DDX60: variants seen among roughly 807,000 people sequenced by gnomAD.
The protein encoded by DDX60 is DExD/H-box helicase 60.
DDX60 carries 165 observed loss-of-function variants against 212.8 expected under a neutral mutation model. That is an observed-to-expected ratio of 0.78 (90% CI 0.68 to 0.88). DDX60 has a LOEUF of 0.88. DDX60 is among the 40% of genes least tolerant of loss of function. The probability of loss-of-function intolerance (pLI) is 0.00; values close to 1 mark genes in which losing one functional copy is unlikely to be tolerated. For missense variants in DDX60, 1,905 were observed against 2,003.9 expected (o/e 0.95, Z 0.94); for synonymous variants, 703 against 685.3 (o/e 1.03, Z -0.40).
chr4:168,258,245 A>G (rs1179475432), intron 25 of DDX60, among the ~76,000 whole-genome samples: 1 of 152,220 alleles, frequency 6.6e-6, no homozygotes, highest in Non-Finnish European at 1.5e-5. Flanking sequence ...TTCTCACTCC[A>G]ATCCTTTGTA....
intron 6 of DDX60, among the ~76,000 whole-genome samples, chr4:168,301,339 C>G (rs1483840226): frequency 6.7e-6 from 1 of 150,122 alleles, no homozygotes; most frequent in Non-Finnish European, 1.5e-5. Flanking sequence ...CTTCTAAATG[C>G]CTTCTTCCTT....
chr4:168,287,276 G>C, intron 9 of DDX60, 73 bp from the exon 10 acceptor site: 1 of 1,347,140 alleles, frequency 7.4e-7, no homozygotes, highest in South Asian at 1.3e-5. Flanking sequence ...GTCACATTTT[G>C]AGTAAATTCA....
chr4:168,217,004 C>T lies in DDX60; in HGVS notation c.5068G>A (p.Glu1690Lys). The change falls in exon 38 of 38, where the codon GAA (glutamate) becomes AAA (lysine). Residue 1690 changes from glutamate (E) to lysine (K), a missense_variant. Coordinates refer to ENST00000393743, the MANE Select transcript of DDX60 (RefSeq NM_017631.6). Reference protein sequence around the residue: ...SVSLRELCENEDDNVVLAFEQ... With the variant: ...SVSLRELCENKDDNVVLAFEQ... ...AAGGCTAAGACAACGTTGTCGTCTT[C>T]ATTTTCACATAGCTCACGCAAGGAA... 1.9e-6 allele frequency: 3 copies of T among 1,605,514 alleles called. No homozygotes were observed. In the South Asian group the frequency reaches 3.4e-5, roughly 18 times the overall value.
At chr4:168,271,553 CTA>C (rs1206299223) in intron 19 of DDX60, among the ~76,000 whole-genome samples, 2 of 152,200 alleles carry the variant, frequency 1.3e-5, no homozygotes. Flanking sequence ...ACTACTAGCT[CTA>C]TATTACTGCA....
chr4:168,286,021 T>G (rs1375872964), intron 10 of DDX60, among the ~76,000 whole-genome samples: 16 of 104,550 alleles, frequency 1.5e-4, no homozygotes, highest in Admixed American at 7.8e-4. Context: ...GAAGGAAGGA[T>G]GGAGGGAGGA....
chr4:168,299,157 CAAAAAAAA>C (rs1197872492), intron 6 of DDX60, among the ~76,000 whole-genome samples: 1 of 61,924 alleles, frequency 1.6e-5, no homozygotes, highest in Non-Finnish European at 2.9e-5. Context: ...GAGACTGTCT[CAAAAAAAA>C]AAAAAAAAAA....
Position 168,293,815 on chromosome 4 carries a change from G to T in DDX60, c.854C>A (p.Ser285Tyr). 6.2e-7 allele frequency: 1 copy of T among 1,613,482 alleles called. No homozygotes were observed. Among genetic ancestry groups the T allele is most frequent in the Non-Finnish European group, 8.5e-7 (1 of 1,179,780 alleles). The change falls in exon 7 of 38, where the codon TCC becomes TAC. Residue 285 changes from serine (S) to tyrosine (Y), a missense_variant. Physicochemically the swap from Ser to Tyr is moderately radical, Grantham distance 144. Coordinates refer to ENST00000393743, the MANE Select transcript of DDX60 (RefSeq NM_017631.6). Reference sequence around the variant, plus strand: ...TTGGATCTCAGTTTCCTGACCAGAGGAGGGCTCTCTGTTTCCTAAAAAGCG... The same window carrying T: ...TTGGATCTCAGTTTCCTGACCAGAGTAGGGCTCTCTGTTTCCTAAAAAGCG... ...YHRFLGNREP[S>Y]SGQETEIQQV...
rs1484807868 is a variant in DDX60, at chr4:168,251,000, T to C, written c.3812A>G (p.Lys1271Arg). 2.5e-6 allele frequency: 4 copies of C among 1,608,370 alleles called. No individual in the cohort carries two copies. Among genetic ancestry groups the C allele is most frequent in the African/African-American group, 1.3e-5 (1 of 74,712 alleles). ...IGYHHSAMSF[K>R]EKQLVEILFR... Reference sequence around the variant, plus strand: ...GAGGATTTCAACTAATTGTTTTTCTTTGAAACTCATAGCACTGTGATGATA... The same window carrying C: ...GAGGATTTCAACTAATTGTTTTTCTCTGAAACTCATAGCACTGTGATGATA... The change falls in exon 28 of 38, where the codon AAA becomes AGA. Residue 1271 changes from lysine (K) to arginine (R), a missense_variant. Lys to Arg is a conservative substitution (Grantham distance 26). Transcript: ENST00000393743.
At chr4:168,243,066 A>G (rs1020656488) in intron 30 of DDX60, among the ~76,000 whole-genome samples, 1 of 152,146 alleles carries the variant, frequency 6.6e-6, no homozygotes. Flanking sequence ...GCTGCCATCC[A>G]TTGTAAAACA....
intron 30 of DDX60, among the ~76,000 whole-genome samples, chr4:168,241,087 G>C (rs539098853): frequency 1.4e-4 from 22 of 152,304 alleles, no homozygotes; most frequent in Non-Finnish European, 3.1e-4. Context: ...CCCTGCACAA[G>C]CTTGTTCTCT....
At chr4:168,253,443 G>A (rs1287027263) in intron 26 of DDX60, among the ~76,000 whole-genome samples, 2 of 152,068 alleles carry the variant, frequency 1.3e-5, no homozygotes, top group African/African-American at 2.4e-5. Context: ...GCTCTCAGCT[G>A]CACCATTCCC....
chr4:168,265,840 G>A (rs1291553429), intron 22 of DDX60, among the ~76,000 whole-genome samples: 1 of 1,430 alleles, frequency 7.0e-4, no homozygotes, highest in African/African-American at 2.8e-3. Flanking sequence ...AGGGAAGGAA[G>A]GGAAGGGAAG....
At chr4:168,310,780 C>A (rs1737094664) in intron 3 of DDX60, among the ~76,000 whole-genome samples, 1 of 152,088 alleles carries the variant, frequency 6.6e-6, no homozygotes, top group Non-Finnish European at 1.5e-5. Context: ...AAAGTTATCT[C>A]ATTATCCGGC....
chr4:168,319,003 G>A (rs568650530), upstream of DDX60, among the ~76,000 whole-genome samples: 243 of 152,286 alleles, frequency 1.6e-3, no homozygotes, highest in African/African-American at 5.7e-3. Flanking sequence ...AGTAGGGTGT[G>A]TATAGTTAAC....
At chr4:168,275,846 A>T (rs1177774648) in intron 15 of DDX60, among the ~76,000 whole-genome samples, 169 bp downstream of exon 15, 1 of 152,078 alleles carries the variant, frequency 6.6e-6, no homozygotes, top group African/African-American at 2.4e-5. Context: ...CATTTGTACA[A>T]ATTTTCTCAT....
chr4:168,277,603 C>T (rs1045333187), intron 14 of DDX60, among the ~76,000 whole-genome samples: 4 of 151,706 alleles, frequency 2.6e-5, no homozygotes, highest in Non-Finnish European at 2.9e-5. Flanking sequence ...TTTGGGAGGC[C>T]GAGGCGGGCA....
At chr4:168,291,984 G>A in intron 7 of DDX60, 78 bp from the exon 8 acceptor site, 1 of 959,556 alleles carries the variant, frequency 1.0e-6, no homozygotes, top group Non-Finnish European at 1.5e-6. Context: ...GACCACAAAA[G>A]CTGACAGCTA....
chr4:168,272,833 A>G (rs1735162854), intron 18 of DDX60, among the ~76,000 whole-genome samples: 1 of 152,176 alleles, frequency 6.6e-6, no homozygotes, highest in Non-Finnish European at 1.5e-5. Flanking sequence ...TTTAGTCTTA[A>G]TTGTTGATCT....
At chr4:168,310,055 G>A (rs552381878) in intron 3 of DDX60, among the ~76,000 whole-genome samples, 3 of 152,250 alleles carry the variant, frequency 2.0e-5, no homozygotes, top group Admixed American at 6.5e-5. Flanking sequence ...CACATTTTCC[G>A]AATTAGTTAA....
Sources: gnomAD v4.1 joint callset for allele counts (sites outside exome capture counted in the v4.1 genomes callset) on GRCh38, gnomAD v4.1.1 for gene constraint, MANE v1.5 for transcripts, NCBI Gene and HGNC (gene_info 2026-07-23, HGNC 2026-07-21) for gene names.